Variants in TRIM67 observed in about 807,000 individuals in gnomAD.
TRIM67 encodes the protein tripartite motif containing 67, also known as tripartite motif-containing protein 67.
Under a neutral mutation model 71.0 loss-of-function variants are expected in TRIM67, and 39 were observed. The ratio of observed to expected loss-of-function variants is 0.55; its 90% CI spans 0.43 to 0.72. TRIM67 has a LOEUF of 0.72. Among genes scored for constraint, TRIM67 ranks in the 30% least tolerant of loss-of-function variants. The pLI is 0.00. For missense variants in TRIM67, 973 were observed against 1,079.2 expected (o/e 0.90, Z 1.38); for synonymous variants, 481 against 473.9 (o/e 1.01, Z -0.19).
At chr1:231,183,040 C>T (rs1682950115) in intron 1 of TRIM67, among the ~76,000 whole-genome samples, 1 of 152,174 alleles carries the variant, frequency 6.6e-6, no homozygotes, top group South Asian at 2.1e-4. Context: ...CCCTGCAAGC[C>T]TTGGGGCAGG....
intron 1 of TRIM67, among the ~76,000 whole-genome samples, chr1:231,169,024 C>G (rs1682550725): frequency 6.6e-6 from 1 of 152,112 alleles, no homozygotes; most frequent in Non-Finnish European, 1.5e-5. Flanking sequence ...GAAATATGCT[C>G]ATTCTCATTC....
chr1:231,179,416 T>C (rs754913279), intron 1 of TRIM67, among the ~76,000 whole-genome samples: 3 of 152,268 alleles, frequency 2.0e-5, no homozygotes, highest in Non-Finnish European at 4.4e-5. Flanking sequence ...GAAAGCATTC[T>C]GAGGTCCGGT....
intron 5 of TRIM67, among the ~76,000 whole-genome samples, chr1:231,202,720 A>C (rs958745546): frequency 6.6e-6 from 1 of 151,994 alleles, no homozygotes; most frequent in Non-Finnish European, 1.5e-5. Context: ...TGCCATGCTC[A>C]CTCCCACACA....
intron 1 of TRIM67, among the ~76,000 whole-genome samples, chr1:231,195,172 A>G (rs1683334956): frequency 6.6e-6 from 1 of 152,238 alleles, no homozygotes. Context: ...GGCCTTTCCC[A>G]GGAGGTTAAT....
chr1:231,194,439 G>T (rs1683313257), intron 1 of TRIM67, among the ~76,000 whole-genome samples: 1 of 152,152 alleles, frequency 6.6e-6, no homozygotes, highest in Admixed American at 6.5e-5. Context: ...AGGTTCATTG[G>T]AAGCCAAGTG....
chr1:231,163,682 G>A lies in TRIM67; in HGVS notation c.713G>A (p.Cys238Tyr). The change falls in exon 1 of 10, where the codon TGC becomes TAC. Residue 238 changes from cysteine to tyrosine, a missense_variant. Transcript: ENST00000366653. ...TACTGCTCTGCCTGCCAGCTCAAGT[G>A]CCATCCATCCCGGGGACCCTTCGCC... ...VLYCSACQLKCHPSRGPFAKH... is the reference protein window; with the variant it reads ...VLYCSACQLKYHPSRGPFAKH... 6.6e-7 allele frequency: 1 copy of A among 1,514,096 alleles called. No individual in the cohort carries two copies. Among genetic ancestry groups the A allele is most frequent in the Middle Eastern group, 1.7e-4 (1 of 5,820 alleles). 93.8% of individuals were successfully genotyped at this position (1,514,096 alleles called of 1,614,324 possible).
Position 231,217,964 on chromosome 1 carries a change from C to A in TRIM67, c.*2524C>A, listed in dbSNP as rs111420919. 113 of 1,250,032 alleles carry A rather than the reference C, an allele frequency of 9.0e-5. No individual in the cohort carries two copies. The African/African-American group carries it at 1.6e-3, about 17-fold the overall frequency. The allele number at this position is 1,250,032 out of a possible 1,614,324, so 77.4% of individuals were successfully genotyped here. A position where few individuals can be genotyped will look rare whatever the true frequency, so the allele number is the denominator to read the frequency against. ...CCCTGAGCTTGGGGGCTGGGATTCT[C>A]CCTTTTCTGACTCCTCCAGGAGCCC... On this transcript the variant is annotated 3_prime_UTR_variant, in exon 10 of 10. Transcript: ENST00000366653.
intron 1 of TRIM67, among the ~76,000 whole-genome samples, chr1:231,191,637 G>A (rs748532998): frequency 1.3e-5 from 2 of 152,040 alleles, no homozygotes; most frequent in African/African-American, 4.8e-5. Context: ...GGTCAGTGGC[G>A]GCAGTTAACC....
At chr1:231,187,484 T>C (rs1254053559) in intron 1 of TRIM67, 1 of 1,493,940 alleles carries the variant, frequency 6.7e-7, no homozygotes, top group Non-Finnish European at 8.9e-7. Flanking sequence ...TAGGCATTAT[T>C]ATCAGCCACA....
Position 231,201,496 on chromosome 1 carries a change from T to C in TRIM67, c.1513T>C (p.Phe505Leu). 6.2e-7 allele frequency: 1 copy of C among 1,613,914 alleles called. No individual in the cohort carries two copies. The highest frequency in any genetic ancestry group is 2.2e-5 in the East Asian group (1 of 44,886). Reference sequence around the variant, plus strand: ...GCTGCAGGCCATCCACCAGCTGGACTTCATTCAGATGAAATGTAGGGGTGA... The same window carrying C: ...GCTGCAGGCCATCCACCAGCTGGACCTCATTCAGATGAAATGTAGGGGTGA... ...PLLQAIHQLD[F>L]IQMKCRVPPV... The change falls in exon 5 of 10, where the codon TTC becomes CTC. Residue 505 changes from phenylalanine to leucine, a missense_variant. By Grantham distance (22) the Phe-to-Leu change is conservative (BLOSUM62 0). Around this residue, in one of 2 missense-constraint regions of TRIM67, gnomAD observed 795 missense variants for 831.3 expected, o/e 0.96. Coordinates refer to ENST00000366653, the MANE Select transcript of TRIM67 (RefSeq NM_001004342.5).
intron 3 of TRIM67, 65 bp downstream of exon 3, chr1:231,199,234 A>T (rs1349186788): frequency 6.7e-7 from 1 of 1,497,560 alleles, no homozygotes; most frequent in Non-Finnish European, 9.3e-7. Context: ...CGTGGGGTGG[A>T]GCACAGAGTA....
intron 7 of TRIM67, among the ~76,000 whole-genome samples, chr1:231,207,603 C>T (rs1683740340): frequency 6.6e-6 from 1 of 152,220 alleles, no homozygotes; most frequent in Admixed American, 6.5e-5. Flanking sequence ...ATTTAGTCCA[C>T]ACATCCTCTG....
At chr1:231,206,295 G>C (rs1316267851) in intron 6 of TRIM67, among the ~76,000 whole-genome samples, 1 of 151,258 alleles carries the variant, frequency 6.6e-6, no homozygotes, top group African/African-American at 2.4e-5. Flanking sequence ...ATATAAATTA[G>C]CTGGGCATGG....
In TRIM67 at chr1:231,220,979, C is replaced by T. The variant is rs1385142360; in HGVS notation, c.*5539C>T. On this transcript the variant is annotated 3_prime_UTR_variant, in exon 10 of 10. Transcript: ENST00000366653. The stretch of plus-strand genomic sequence containing the variant: ...AGGTGCTTACTGGGTGAGACCCAGC[C>T]GGGGAAGCCTCTCCAACTCCTCCTA... 1 of 152,194 alleles carries T rather than the reference C, an allele frequency of 6.6e-6. No homozygotes were observed. The highest frequency in any genetic ancestry group is 2.4e-5 in the African/African-American group (1 of 41,422). The allele number at this position is 152,194 out of a possible 1,614,324, so 9.4% of individuals were successfully genotyped here. A position where few individuals can be genotyped will look rare whatever the true frequency, so the allele number is the denominator to read the frequency against.
chr1:231,179,992 T>G (rs909754550), intron 1 of TRIM67, among the ~76,000 whole-genome samples: 3 of 152,180 alleles, frequency 2.0e-5, no homozygotes, highest in African/African-American at 7.2e-5. Flanking sequence ...CTTTCTCCTG[T>G]GCCTTTGTGA....
chr1:231,214,762 G>C (rs1265380368), intron 9 of TRIM67, among the ~76,000 whole-genome samples: 1 of 132,760 alleles, frequency 7.5e-6, no homozygotes, highest in African/African-American at 2.9e-5. Flanking sequence ...CTGGGTGATA[G>C]AGCGAGACTT....
At chr1:231,210,042 C>T (rs549144595) in intron 8 of TRIM67, among the ~76,000 whole-genome samples, 10 of 152,342 alleles carry the variant, frequency 6.6e-5, no homozygotes, top group South Asian at 4.1e-4. Context: ...TCTTTCTCCT[C>T]TCCCAGGGAT....
intron 2 of TRIM67, among the ~76,000 whole-genome samples, chr1:231,198,140 C>T (rs1282340662): frequency 6.6e-6 from 1 of 152,096 alleles, no homozygotes; most frequent in African/African-American, 2.4e-5. Context: ...CCGAATATGC[C>T]CATGTCATCA....
In TRIM67 at chr1:231,163,175, A is replaced by G; in HGVS notation, c.206A>G (p.His69Arg). 6.7e-7 allele frequency: 1 copy of G among 1,497,190 alleles called. No homozygotes were observed. The highest frequency in any genetic ancestry group is 8.9e-7 in the Non-Finnish European group (1 of 1,122,958). The allele number at this position is 1,497,190 out of a possible 1,614,324, so 92.7% of individuals were successfully genotyped here. ...AGAAAAASLE[H>R]DAAAGPACGG... The stretch of plus-strand genomic sequence containing the variant: ...GCCGCCGCCGCTGCCTCTCTGGAGC[A>G]CGACGCTGCGGCTGGCCCGGCCTGC... Residue 69 changes from histidine to arginine, a missense_variant, in exon 1 of 10, where the codon CAC becomes CGC. This residue lies in a region of TRIM67 where 795 missense variants were observed against 831.3 expected (regional missense o/e 0.96). Transcript: ENST00000366653.
Sources: gnomAD v4.1 joint callset for allele counts (sites outside exome capture counted in the v4.1 genomes callset) on GRCh38, gnomAD v4.1.1 for gene constraint, gnomAD v4.1.1 regional missense constraint, MANE v1.5 for transcripts, NCBI Gene and HGNC (gene_info 2026-07-23, HGNC 2026-07-21) for gene names.